Variants in KMT2E observed in about 807,000 individuals in gnomAD.
KMT2E encodes lysine methyltransferase 2E (inactive), also known as histone reader KMT2E.
Under a neutral mutation model 184.6 loss-of-function variants are expected in KMT2E, and 30 were observed. That is an observed-to-expected ratio of 0.16 (90% CI 0.12 to 0.22). The LOEUF is 0.22. Ranked by LOEUF, KMT2E falls within the 10% of genes least tolerant of loss-of-function variation. The pLI, the probability that KMT2E is intolerant of heterozygous loss-of-function variation, is 1.00. For synonymous variants in KMT2E, 815 were observed against 776.5 expected (o/e 1.05, Z -0.82); for missense variants, 2,023 against 2,237.4 (o/e 0.90, Z 1.93).
In KMT2E at chr7:105,112,605, A is replaced by G. The variant is rs1212779795; in HGVS notation, c.4849A>G (p.Ile1617Val). 1.1e-5 allele frequency: 17 copies of G among 1,613,796 alleles called. No homozygotes were observed. The highest frequency in any genetic ancestry group is 1.4e-5 in the Non-Finnish European group (17 of 1,179,956). ...GHFLPSQNPT[I>V]HHQTAAAVVP... ...TTTTTTGCCCTCTCAGAACCCTACCATTCACCATCAAACTGCTGCTGCCGT... is the reference window on the plus strand; with the variant it reads ...TTTTTTGCCCTCTCAGAACCCTACCGTTCACCATCAAACTGCTGCTGCCGT... The change falls in exon 27 of 27, where the codon ATT (isoleucine) becomes GTT (valine). Residue 1617 changes from isoleucine (I) to valine (V), a missense_variant. Physicochemically the swap from Ile to Val is conservative, Grantham distance 29 (BLOSUM62 3). This residue lies in a region of KMT2E where 1,108 missense variants were observed against 1,050.9 expected (regional missense o/e 1.05). Coordinates refer to ENST00000311117, the MANE Select transcript of KMT2E (RefSeq NM_182931.3).
intron 1 of KMT2E, among the ~76,000 whole-genome samples, chr7:105,016,127 C>T (rs886598591): frequency 5.9e-5 from 9 of 152,068 alleles, no homozygotes; most frequent in Non-Finnish European, 1.0e-4. Flanking sequence ...AAGACATTTC[C>T]CAACCACCTC....
chr7:105,061,994 C>T, intron 3 of KMT2E, 170 bp from the exon 4 acceptor site: 1 of 441,694 alleles, frequency 2.3e-6, no homozygotes, highest in Admixed American at 4.0e-5. Flanking sequence ...TTGCTTATGA[C>T]ACATAATCTA....
At chr7:105,030,795 G>A (rs748873503) in intron 1 of KMT2E, among the ~76,000 whole-genome samples, 1 of 152,084 alleles carries the variant, frequency 6.6e-6, no homozygotes, top group Non-Finnish European at 1.5e-5. Flanking sequence ...GGGAACCAGT[G>A]GTTTAAAAGC....
intron 3 of KMT2E, 28 bp from the exon 4 acceptor site, chr7:105,062,136 T>G (rs1796839572): frequency 1.4e-6 from 2 of 1,385,646 alleles, no homozygotes; most frequent in Non-Finnish European, 2.0e-6. Context: ...AGAATGGAAT[T>G]CTCTTTGATG....
At chr7:105,079,227 C>T (rs942717962) in intron 12 of KMT2E, among the ~76,000 whole-genome samples, 16 of 151,440 alleles carry the variant, frequency 1.1e-4, no homozygotes, top group South Asian at 2.1e-4. Flanking sequence ...CTCCGTCTTC[C>T]GGGCTCAAGT....
intron 13 of KMT2E, among the ~76,000 whole-genome samples, chr7:105,088,980 T>C (rs1798095301): frequency 6.6e-6 from 1 of 152,236 alleles, no homozygotes; most frequent in Admixed American, 6.5e-5. Context: ...TTTGTTATAC[T>C]TAATGTTTCT....
intron 13 of KMT2E, among the ~76,000 whole-genome samples, chr7:105,085,943 A>AT (rs1348838778): frequency 1.3e-5 from 2 of 152,160 alleles, no homozygotes; most frequent in Admixed American, 6.5e-5. Flanking sequence ...AAGTGTTGAG[A>AT]TTACAGGCAT....
intron 3 of KMT2E, among the ~76,000 whole-genome samples, chr7:105,059,207 A>G (rs940967095): frequency 6.6e-6 from 1 of 152,228 alleles, no homozygotes; most frequent in African/African-American, 2.4e-5. Flanking sequence ...CTCAGACTGC[A>G]AAAGTTATGG....
Position 105,077,437 on chromosome 7 carries a change from T to G in KMT2E, c.1130+4T>G. On this transcript the variant is annotated splice_donor_region_variant and intron_variant, in intron 11 of 26. Transcript: ENST00000311117. Reference sequence around the variant, plus strand: ...CAAATGGGTATTTCTTTAAAAGGTATATTCATTTATTTTCCCATGTTCATT... The same window carrying G: ...CAAATGGGTATTTCTTTAAAAGGTAGATTCATTTATTTTCCCATGTTCATT... 6.3e-7 allele frequency: 1 copy of G among 1,594,606 alleles called. No individual in the cohort carries two copies. The highest frequency in any genetic ancestry group is 8.5e-7 in the Non-Finnish European group (1 of 1,170,096).
At chr7:105,041,202 T>A (rs9918494) in intron 3 of KMT2E, among the ~76,000 whole-genome samples, 179 bp downstream of exon 3, 90,241 of 151,872 alleles carry the variant, frequency 0.59, 28,580 homozygotes, top group East Asian at 0.92. Flanking sequence ...GTGATTGCTA[T>A]CTTTGTTTTC....
intron 1 of KMT2E, among the ~76,000 whole-genome samples, chr7:105,015,702 C>T (rs1794688388): frequency 1.3e-5 from 2 of 152,078 alleles, no homozygotes; most frequent in African/African-American, 4.8e-5. Context: ...TTGTGGTAAT[C>T]TAATCAGCTC....
chr7:105,038,516 C>G (rs1434245397), intron 2 of KMT2E: 1 of 152,242 alleles, frequency 6.6e-6, no homozygotes. Context: ...GCACATGCCA[C>G]CAAGCCCAGG....
intron 20 of KMT2E, 39 bp downstream of exon 20, chr7:105,106,811 G>C (rs1271362486): frequency 1.3e-6 from 2 of 1,591,212 alleles, no homozygotes; most frequent in Admixed American, 3.5e-5. Context: ...TTCAACACTT[G>C]GGGGGATGGA....
At chr7:105,071,558 GTA>G (rs2129567749) in intron 6 of KMT2E, among the ~76,000 whole-genome samples, 3 of 110,876 alleles carry the variant, frequency 2.7e-5, no homozygotes, top group Non-Finnish European at 5.4e-5. Flanking sequence ...GTGTGTGTAT[GTA>G]TGTATGTATG....
chr7:105,099,723 CCAAGA>C (rs1798576522), intron 15 of KMT2E, among the ~76,000 whole-genome samples: 1 of 152,040 alleles, frequency 6.6e-6, no homozygotes, highest in Non-Finnish European at 1.5e-5. Flanking sequence ...ATGATTTTTG[CCAAGA>C]CAAGTTTGTT....
At position 105,062,240 on chromosome 7, in the gene KMT2E, T is replaced by A. The variant is rs768601012; in HGVS notation, c.148T>A (p.Ser50Thr). The stretch of plus-strand genomic sequence containing the variant: ...TCCCCACCAGTTATATACCAGCAGC[T>A]CACATCATTCACACAGTTACATTGG... ...SYPHQLYTSS[S>T]HHSHSYIGLP... Residue 50 changes from serine to threonine, a missense_variant, in exon 4 of 27, where the codon TCA becomes ACA. Coordinates refer to ENST00000311117, the MANE Select transcript of KMT2E (RefSeq NM_182931.3). The A allele has an allele frequency of 9.3e-6, 15 of 1,613,556 alleles. No individual in the cohort carries two copies. Among genetic ancestry groups the A allele is most frequent in the Admixed American group, 3.3e-5 (2 of 59,988 alleles).
In KMT2E at chr7:105,090,179, C is replaced by A; in HGVS notation, c.1529C>A (p.Thr510Asn). The change falls in exon 14 of 27, where the codon ACT becomes AAT. Residue 510 changes from threonine to asparagine, a missense_variant. Coordinates refer to ENST00000311117, the MANE Select transcript of KMT2E (RefSeq NM_182931.3). ...KEKDTQNQNI[T>N]LDCEGTTNKM... ...AAAGATACACAAAATCAGAATATTA[C>A]TTTGGATTGTGAAGGAACGACCAAC... The A allele has an allele frequency of 6.2e-7, 1 of 1,612,528 alleles. No homozygotes were observed. Among genetic ancestry groups the A allele is most frequent in the Non-Finnish European group, 8.5e-7 (1 of 1,179,626 alleles).
intron 15 of KMT2E, among the ~76,000 whole-genome samples, chr7:105,098,951 G>C (rs1798537836): frequency 6.6e-6 from 1 of 152,142 alleles, no homozygotes; most frequent in African/African-American, 2.4e-5. Context: ...TCCAGAGTCA[G>C]CTCTAACTAC....
Position 105,091,229 on chromosome 7 carries a change from TTGA to T in KMT2E, c.1642_1644del (p.Asp548del), listed in dbSNP as rs766826405. ...TCCATTTTTCAGGAACCAGATTTTA[TTGA>T]TGATATAGAAGAAAAAACTCCTATT... On this transcript the variant is annotated inframe_deletion, in exon 15 of 27. Coordinates refer to ENST00000311117, the MANE Select transcript of KMT2E (RefSeq NM_182931.3). The T allele has an allele frequency of 1.2e-5, 19 of 1,521,906 alleles. No individual in the cohort carries two copies. The East Asian group carries it at 4.1e-4, about 32-fold the overall frequency. 94.3% of individuals were successfully genotyped at this position (1,521,906 alleles called of 1,614,324 possible).
Sources: gnomAD v4.1 joint callset for allele counts (sites outside exome capture counted in the v4.1 genomes callset) on GRCh38, gnomAD v4.1.1 for gene constraint, gnomAD v4.1.1 regional missense constraint, MANE v1.5 for transcripts, NCBI Gene and HGNC (gene_info 2026-07-23, HGNC 2026-07-21) for gene names.